Variants in OPCML observed in about 807,000 individuals in gnomAD.
OPCML encodes opioid-binding protein/cell adhesion molecule.
Under a neutral mutation model 37.8 loss-of-function variants are expected in OPCML, and 13 were observed. That is an observed-to-expected ratio of 0.34 (90% confidence interval 0.22 to 0.55). OPCML has a LOEUF of 0.55. Ranked by LOEUF, OPCML falls within the 20% of genes least tolerant of loss-of-function variation. The probability of loss-of-function intolerance (pLI) is 0.91; values close to 1 mark genes in which losing one functional copy is unlikely to be tolerated. For synonymous variants in OPCML, 176 were observed against 168.8 expected (o/e 1.04, Z -0.33); for missense variants, 341 against 435.6 (o/e 0.78, Z 1.93).
chr11:132,827,980 G>T (rs886379938), intron 2 of OPCML, among the ~76,000 whole-genome samples: 1 of 151,982 alleles, frequency 6.6e-6, no homozygotes, highest in Non-Finnish European at 1.5e-5. Context: ...GCCCAAACTC[G>T]CAAACAACCA....
chr11:132,645,658 C>A, intron 3 of OPCML, among the ~76,000 whole-genome samples: 1 of 150,828 alleles, frequency 6.6e-6, no homozygotes, highest in East Asian at 1.9e-4. Context: ...CAAGGAAGTA[C>A]AGGTAAAGTG....
intron 4 of OPCML, among the ~76,000 whole-genome samples, chr11:132,512,215 T>C (rs1234752571): frequency 6.6e-6 from 1 of 152,074 alleles, no homozygotes; most frequent in Non-Finnish European, 1.5e-5. Context: ...GACAGGATAC[T>C]ATACAATGAC....
intron 1 of OPCML, among the ~76,000 whole-genome samples, chr11:133,287,158 AG>A (rs1397651010): frequency 6.6e-6 from 1 of 152,122 alleles, no homozygotes; most frequent in Non-Finnish European, 1.5e-5. Flanking sequence ...TATAATTTTA[AG>A]TGTTCTAGAG....
chr11:132,882,909 A>T (rs970075682), intron 2 of OPCML, among the ~76,000 whole-genome samples: 2 of 152,204 alleles, frequency 1.3e-5, no homozygotes, highest in African/African-American at 4.8e-5. Flanking sequence ...ACTTTCTAGG[A>T]AGTGGGAATT....
chr11:133,335,209 G>T (rs1286051670), intron 1 of OPCML, among the ~76,000 whole-genome samples: 5 of 152,136 alleles, frequency 3.3e-5, no homozygotes, highest in South Asian at 4.2e-4. Flanking sequence ...TTCATGATGG[G>T]CAAGGCTGCC....
chr11:132,971,695 C>T (rs1321960007), intron 1 of OPCML, among the ~76,000 whole-genome samples: 1 of 152,142 alleles, frequency 6.6e-6, no homozygotes, highest in Non-Finnish European at 1.5e-5. Context: ...TCCAGGGAGG[C>T]TCTGTCTGCA....
At chr11:132,555,082 C>T (rs1355166622) in intron 3 of OPCML, among the ~76,000 whole-genome samples, 1 of 151,694 alleles carries the variant, frequency 6.6e-6, no homozygotes, top group East Asian at 1.9e-4. Flanking sequence ...GCATGATTCC[C>T]TCTGAGACAG....
intron 1 of OPCML, among the ~76,000 whole-genome samples, chr11:132,956,664 T>G (rs1487973742): frequency 6.6e-6 from 1 of 152,206 alleles, no homozygotes; most frequent in Non-Finnish European, 1.5e-5. Flanking sequence ...AACAGTATCT[T>G]GGATCTGTCT....
At position 133,328,244 on chromosome 11, in the gene OPCML, G is replaced by A. The variant is rs111836192; in HGVS notation, c.61+204020C>T. ...ATGATCTCGGCTCACTGCAACCTCC[G>A]CCTTCCAAGGTCAAGCGATTCTCCT... On this transcript the variant is annotated intron_variant, in intron 1 of 7. Coordinates refer to ENST00000524381, the MANE Select transcript of OPCML (RefSeq NM_001012393.5). 1.1e-4 allele frequency among the ~76,000 whole-genome samples: 16 copies of A among 148,386 alleles called. No individual in the cohort carries two copies. In the South Asian group the frequency reaches 3.0e-3, roughly 28 times the overall value.
intron 1 of OPCML, among the ~76,000 whole-genome samples, chr11:132,955,718 C>A (rs1040917399): frequency 6.6e-6 from 1 of 151,998 alleles, no homozygotes; most frequent in African/African-American, 2.4e-5. Flanking sequence ...CCCACCTCAA[C>A]TAAAAATACA....
chr11:132,996,998 T>C (rs1444524820), intron 1 of OPCML, among the ~76,000 whole-genome samples: 1 of 152,180 alleles, frequency 6.6e-6, no homozygotes, highest in Non-Finnish European at 1.5e-5. Context: ...ATCTGTCTGA[T>C]TAAGTTAGGG....
intron 1 of OPCML, among the ~76,000 whole-genome samples, chr11:133,196,970 G>A (rs1257106227): frequency 6.6e-6 from 1 of 152,204 alleles, no homozygotes; most frequent in African/African-American, 2.4e-5. Flanking sequence ...TAAAGACAGG[G>A]TGCAGAGACC....
At chr11:133,257,527 C>T (rs1462138461) in intron 1 of OPCML, among the ~76,000 whole-genome samples, 1 of 152,196 alleles carries the variant, frequency 6.6e-6, no homozygotes, top group African/African-American at 2.4e-5. Flanking sequence ...CCTCTCTCTG[C>T]TCCTGTGGCC....
chr11:132,574,747 G>A (rs1381861005), intron 3 of OPCML, among the ~76,000 whole-genome samples: 1 of 151,918 alleles, frequency 6.6e-6, no homozygotes, highest in Non-Finnish European at 1.5e-5. Flanking sequence ...GTTGTTGGAT[G>A]GAATGTTCTA....
chr11:132,978,274 T>C (rs1946507619), intron 1 of OPCML, among the ~76,000 whole-genome samples: 1 of 152,208 alleles, frequency 6.6e-6, no homozygotes, highest in African/African-American at 2.4e-5. Flanking sequence ...ATTTGACTTT[T>C]AACCTCTAAG....
At chr11:133,123,303 A>G (rs994122011) in intron 1 of OPCML, among the ~76,000 whole-genome samples, 93 of 152,316 alleles carry the variant, frequency 6.1e-4, no homozygotes, top group Non-Finnish European at 5.9e-5. Context: ...TTTTGAAAAG[A>G]TCATGAATAT....
chr11:132,770,222 C>T (rs774240707), intron 2 of OPCML, among the ~76,000 whole-genome samples: 4 of 152,168 alleles, frequency 2.6e-5, no homozygotes, highest in Non-Finnish European at 4.4e-5. Flanking sequence ...TACCGCACTA[C>T]CAAACAGACA....
intron 2 of OPCML, among the ~76,000 whole-genome samples, chr11:132,852,582 G>T (rs745474087): frequency 6.6e-6 from 1 of 151,886 alleles, no homozygotes; most frequent in Non-Finnish European, 1.5e-5. Context: ...GGCACCGCGT[G>T]CTTCCCCACC....
intron 2 of OPCML, among the ~76,000 whole-genome samples, chr11:132,876,936 G>A (rs555282981): frequency 1.3e-5 from 2 of 152,274 alleles, no homozygotes; most frequent in Admixed American, 6.5e-5. Flanking sequence ...AAAACAAAAA[G>A]ATGCTTAATT....
Sources: gnomAD v4.1 joint callset for allele counts (sites outside exome capture counted in the v4.1 genomes callset) on GRCh38, gnomAD v4.1.1 for gene constraint, MANE v1.5 for transcripts, NCBI Gene and HGNC (gene_info 2026-07-23, HGNC 2026-07-21) for gene names.